KCNIP1: variants seen among roughly 807,000 people sequenced by gnomAD.
KCNIP1 encodes potassium voltage-gated channel interacting protein 1.
KCNIP1 carries 18 observed loss-of-function variants against 33.0 expected under a neutral mutation model. That is an observed-to-expected ratio of 0.55 (90% CI 0.38 to 0.81). KCNIP1 has a LOEUF of 0.81. KCNIP1 is among the 30% of genes least tolerant of loss of function. The pLI, the probability that KCNIP1 is intolerant of heterozygous loss-of-function variation, is 0.00. For synonymous variants in KCNIP1, 93 were observed against 98.3 expected, an observed-to-expected ratio of 0.95 and a Z score of 0.32; for missense variants, 238 against 271.6, an observed-to-expected ratio of 0.88 and a Z score of 0.87.
chr5:170,673,647 G>C (rs1012836622), intron 1 of KCNIP1, among the ~76,000 whole-genome samples: 2 of 152,162 alleles, frequency 1.3e-5, no homozygotes, highest in Non-Finnish European at 2.9e-5. Context: ...CATGTGTAAG[G>C]TATAGTTCCT....
chr5:170,728,813 A>T (rs1453511528), intron 5 of KCNIP1, among the ~76,000 whole-genome samples: 1 of 152,156 alleles, frequency 6.6e-6, no homozygotes, highest in African/African-American at 2.4e-5. Flanking sequence ...ATAAAGTTAC[A>T]TTGGAAGATT....
chr5:170,440,292 C>A (rs147031177), intron 1 of KCNIP1, among the ~76,000 whole-genome samples: 121 of 152,274 alleles, frequency 7.9e-4, no homozygotes, highest in Non-Finnish European at 5.7e-4. Context: ...ATTATATCAG[C>A]CTGAGCAAAC....
At chr5:170,360,719 A>G (rs958967523) in intron 1 of KCNIP1, among the ~76,000 whole-genome samples, 8 of 152,210 alleles carry the variant, frequency 5.3e-5, no homozygotes, top group Non-Finnish European at 2.9e-5. Context: ...TTAGTTGTTC[A>G]TGGGAGAATT....
chr5:170,499,750 G>C (rs1757376675), upstream of KCNIP1, among the ~76,000 whole-genome samples: 1 of 152,188 alleles, frequency 6.6e-6, no homozygotes, highest in Non-Finnish European at 1.5e-5. Context: ...GAAAGGAGAG[G>C]GGGAGGGAGG....
chr5:170,669,456 G>A (rs1271305742), intron 1 of KCNIP1: 3 of 910,604 alleles, frequency 3.3e-6, no homozygotes, highest in Non-Finnish European at 3.9e-6. Flanking sequence ...TGTATTTAAA[G>A]TAATAGAGTG....
chr5:170,575,241 A>G (rs573946537), intron 1 of KCNIP1, among the ~76,000 whole-genome samples: 6 of 152,214 alleles, frequency 3.9e-5, no homozygotes, highest in Non-Finnish European at 7.3e-5. Context: ...GCTGAATAAG[A>G]GCTAAAAAGC....
At chr5:170,362,864 C>A (rs924191640) in intron 1 of KCNIP1, among the ~76,000 whole-genome samples, 1 of 152,182 alleles carries the variant, frequency 6.6e-6, no homozygotes, top group East Asian at 1.9e-4. Context: ...GCTTACTGCT[C>A]GGTGTCTGCA....
At chr5:170,662,269 CT>C (rs1761528868) in intron 1 of KCNIP1, among the ~76,000 whole-genome samples, 3 of 152,278 alleles carry the variant, frequency 2.0e-5, no homozygotes, top group African/African-American at 7.2e-5. Context: ...GTAGGGTGTT[CT>C]TTCCCTTCTC....
chr5:170,460,681 G>A (rs964247657), intron 1 of KCNIP1, among the ~76,000 whole-genome samples: 7 of 152,060 alleles, frequency 4.6e-5, no homozygotes, highest in Non-Finnish European at 1.0e-4. Flanking sequence ...GGCACACAAG[G>A]GACATACCTC....
Position 170,390,517 on chromosome 5 carries a change from A to ATATATATATATATATATATAT in KCNIP1, c.88+36553_88+36554insTATATATATATATATATATAT, listed in dbSNP as rs1554088941. On this transcript the variant is annotated intron_variant, in intron 1 of 7. Coordinates refer to the KCNIP1 transcript ENST00000377360. The stretch of plus-strand genomic sequence containing the variant: ...GACCCCGTCTCAAAAAAAAAAAACA[A>ATATATATATATATATATATAT]ATATATATATATATATATATATTTT... 8.7e-4 allele frequency among the ~76,000 whole-genome samples: 65 copies of ATATATATATATATATATATAT among 74,476 alleles called. 2 individuals carry two copies. Among genetic ancestry groups the ATATATATATATATATATATAT allele is most frequent in the South Asian group, 3.1e-3 (7 of 2,264 alleles). The allele number at this position is 74,476 out of a possible 152,430, so 48.9% of individuals were successfully genotyped here.
chr5:170,393,078 G>A (rs761903617), intron 1 of KCNIP1, among the ~76,000 whole-genome samples: 39 of 152,250 alleles, frequency 2.6e-4, no homozygotes, highest in Admixed American at 1.6e-3. Flanking sequence ...CCAAGGTCAC[G>A]CCCCTAGCGT....
At chr5:170,575,744 C>T (rs563487920) in intron 1 of KCNIP1, among the ~76,000 whole-genome samples, 1 of 152,200 alleles carries the variant, frequency 6.6e-6, no homozygotes, top group Non-Finnish European at 1.5e-5. Flanking sequence ...CAGTTGTTCT[C>T]AACGGGCCTT....
chr5:170,715,449 A>C (rs1763614240), intron 1 of KCNIP1, among the ~76,000 whole-genome samples: 1 of 152,224 alleles, frequency 6.6e-6, no homozygotes, highest in South Asian at 2.1e-4. Context: ...ATGATCCCAA[A>C]ACATTAAGGA....
chr5:170,353,943 AT>A lies in KCNIP1; in HGVS notation c.68del (p.Ile23ThrfsTer16). 6.2e-7 allele frequency: 1 copy of A among 1,614,174 alleles called. No homozygotes were observed. Among genetic ancestry groups the A allele is most frequent in the Admixed American group, 1.7e-5 (1 of 60,022 alleles). On this transcript the variant is annotated frameshift_variant, in exon 1 of 8. Transcript: ENST00000377360. LOFTEE classifies it high-confidence loss of function. ...ATTTGCCCAGACCATCTTTAAGCTC[AT>A]CACTGGGACCCTCAGCAAAGGTATG...
chr5:170,437,038 T>C (rs949139571), intron 1 of KCNIP1, among the ~76,000 whole-genome samples: 7 of 152,222 alleles, frequency 4.6e-5, no homozygotes, highest in Non-Finnish European at 1.5e-5. Context: ...ATCTATGTGA[T>C]TTTTTGCCAA....
chr5:170,589,796 TGC>T (rs1491092581), intron 1 of KCNIP1, among the ~76,000 whole-genome samples: 2 of 148,758 alleles, frequency 1.3e-5, no homozygotes, highest in African/African-American at 5.2e-5. Flanking sequence ...TGATGTGGTG[TGC>T]GGTGCGGTGC....
chr5:170,699,628 C>T (rs1373272132), intron 1 of KCNIP1, among the ~76,000 whole-genome samples: 1 of 151,586 alleles, frequency 6.6e-6, no homozygotes, highest in Non-Finnish European at 1.5e-5. Flanking sequence ...TTGTTGATAC[C>T]ATAGGGTCAG....
At chr5:170,560,844 C>G (rs527763825) in intron 1 of KCNIP1, among the ~76,000 whole-genome samples, 21 of 152,238 alleles carry the variant, frequency 1.4e-4, no homozygotes, top group African/African-American at 4.8e-4. Flanking sequence ...ATGCTCTTCT[C>G]TCTGTGGGGT....
At chr5:170,654,154 T>G (rs1456018893) in intron 1 of KCNIP1, among the ~76,000 whole-genome samples, 1 of 152,194 alleles carries the variant, frequency 6.6e-6, no homozygotes, top group Non-Finnish European at 1.5e-5. Context: ...TTGTCCCACC[T>G]TCTCTGAGAA....
Sources: allele counts gnomAD v4.1 joint callset (sites outside exome capture counted in the v4.1 genomes callset), GRCh38; gene constraint gnomAD v4.1.1; transcripts MANE v1.5; gene names NCBI Gene and HGNC (gene_info 2026-07-23, HGNC 2026-07-21).